GMDS: variants seen among roughly 807,000 people sequenced by gnomAD.
GMDS encodes GDP-mannose 4,6-dehydratase, also known as GDP-mannose 4,6 dehydratase.
Under a neutral mutation model 49.9 loss-of-function variants are expected in GMDS, and 20 were observed. The ratio of observed to expected loss-of-function variants is 0.40; its 90% CI spans 0.28 to 0.58. GMDS has a LOEUF of 0.58. GMDS is among the 20% of genes least tolerant of loss of function. The pLI is 0.42. For missense variants in GMDS, 362 were observed against 481.4 expected (o/e 0.75, Z 2.32); for synonymous variants, 177 against 178.6 (o/e 0.99, Z 0.07).
At chr6:1,704,680 G>GT (rs1179209713) in intron 9 of GMDS, among the ~76,000 whole-genome samples, 2 of 152,234 alleles carry the variant, frequency 1.3e-5, no homozygotes, top group African/African-American at 2.4e-5. Context: ...TACGTACGCG[G>GT]TAAGTGCTCA....
chr6:2,143,569 C>A (rs1213075637), intron 1 of GMDS, among the ~76,000 whole-genome samples: 1 of 152,110 alleles, frequency 6.6e-6, no homozygotes, highest in Non-Finnish European at 1.5e-5. Context: ...CAAATCTATG[C>A]AAGGGATTAC....
intron 1 of GMDS, among the ~76,000 whole-genome samples, chr6:2,142,225 C>T (rs1001384288): frequency 1.3e-5 from 2 of 152,092 alleles, no homozygotes; most frequent in Admixed American, 6.5e-5. Context: ...ACAATAACAA[C>T]AATACCTGGC....
chr6:2,065,153 G>T (rs537736219), intron 4 of GMDS, among the ~76,000 whole-genome samples: 1 of 152,144 alleles, frequency 6.6e-6, no homozygotes, highest in Non-Finnish European at 1.5e-5. Context: ...GCACCCCCCA[G>T]CAGGGGCAGA....
At chr6:1,804,724 T>C (rs1348126548) in intron 7 of GMDS, among the ~76,000 whole-genome samples, 1 of 149,484 alleles carries the variant, frequency 6.7e-6, no homozygotes, top group Non-Finnish European at 1.5e-5. Flanking sequence ...TATCAATAGG[T>C]TTTTTTTTTA....
chr6:2,117,024 T>C (rs1474986293), intron 3 of GMDS, among the ~76,000 whole-genome samples: 1 of 152,256 alleles, frequency 6.6e-6, no homozygotes, highest in African/African-American at 2.4e-5. Flanking sequence ...ATCAGTCATT[T>C]AGAACAGTTT....
intron 6 of GMDS, among the ~76,000 whole-genome samples, chr6:1,933,737 G>C (rs568321238): frequency 1.3e-3 from 195 of 152,238 alleles, no homozygotes; most frequent in Non-Finnish European, 2.3e-3. Context: ...TTATTATAGA[G>C]TTGTAAGAAT....
At chr6:2,242,488 C>T (rs550819247) in intron 1 of GMDS, among the ~76,000 whole-genome samples, 36 of 152,248 alleles carry the variant, frequency 2.4e-4, no homozygotes, top group Non-Finnish European at 5.0e-4. Context: ...AGACAGGACA[C>T]CCTGGCTGTC....
At chr6:1,666,351 A>T (rs927653940) in intron 9 of GMDS, among the ~76,000 whole-genome samples, 1 of 151,964 alleles carries the variant, frequency 6.6e-6, no homozygotes, top group Admixed American at 6.6e-5. Flanking sequence ...GGTCCTGATG[A>T]TGCACCAAGA....
At chr6:1,990,836 G>A (rs1250082411) in intron 4 of GMDS, among the ~76,000 whole-genome samples, 1 of 150,482 alleles carries the variant, frequency 6.6e-6, no homozygotes, top group African/African-American at 2.5e-5. Context: ...CTTCCATCTT[G>A]GCCTCCCAAA....
intron 7 of GMDS, among the ~76,000 whole-genome samples, chr6:1,872,018 A>T (rs1249178110): frequency 6.6e-6 from 1 of 152,202 alleles, no homozygotes; most frequent in African/African-American, 2.4e-5. Context: ...TCTGGCTAGC[A>T]AAGCATCCTC....
chr6:1,624,372 CT>C, intron 10 of GMDS, 99 bp downstream of exon 10: 1 of 1,315,976 alleles, frequency 7.6e-7, no homozygotes, highest in Non-Finnish European at 1.1e-6. Flanking sequence ...GCCTTCCGGG[CT>C]TTGGGCATCG....
intron 7 of GMDS, among the ~76,000 whole-genome samples, chr6:1,772,220 T>G (rs559790268): frequency 2.6e-5 from 4 of 152,234 alleles, no homozygotes; most frequent in Non-Finnish European, 4.4e-5. Flanking sequence ...ATCCAATGCA[T>G]GAGCTCTCTC....
intron 7 of GMDS, among the ~76,000 whole-genome samples, chr6:1,824,904 A>G (rs1771043838): frequency 6.6e-6 from 1 of 152,086 alleles, no homozygotes; most frequent in Non-Finnish European, 1.5e-5. Flanking sequence ...CTGCCTCCCA[A>G]ATATGATTTT....
In GMDS at chr6:1,833,126, CTTTTTTTTTT is replaced by C. The variant is rs34633662; in HGVS notation, c.772-90550_772-90541del. Among the ~76,000 whole-genome samples, 3 of 123,394 alleles carry C rather than the reference CTTTTTTTTTT, an allele frequency of 2.4e-5. No individual in the cohort carries two copies. The highest frequency in any genetic ancestry group is 3.4e-5 in the Non-Finnish European group (2 of 59,582). The allele number at this position is 123,394 out of a possible 152,430, so 81.0% of individuals were successfully genotyped here. ...ACCCGGCAGTGGAGCGTATGAAAGC[CTTTTTTTTTT>C]TTTTTTTTTTTTTAAACTAATGCAC... On this transcript the variant is annotated intron_variant, in intron 7 of 10. Coordinates refer to ENST00000380815, the MANE Select transcript of GMDS (RefSeq NM_001500.4). The surrounding 1 kb of genome is among the most constrained non-coding windows in gnomAD (Gnocchi z 4.4).
intron 7 of GMDS, among the ~76,000 whole-genome samples, chr6:1,829,543 A>T (rs542086922): frequency 1.3e-5 from 2 of 152,260 alleles, no homozygotes; most frequent in East Asian, 3.9e-4. Flanking sequence ...CACTCAGGTG[A>T]TGCTCCTGCC....
At chr6:1,769,174 C>T (rs191773572) in intron 7 of GMDS, among the ~76,000 whole-genome samples, 1 of 152,318 alleles carries the variant, frequency 6.6e-6, no homozygotes, top group East Asian at 1.9e-4. Context: ...GACTTTCACT[C>T]AAGCTTCACG....
chr6:2,149,041 C>T (rs1776715370), intron 1 of GMDS, among the ~76,000 whole-genome samples: 2 of 152,128 alleles, frequency 1.3e-5, no homozygotes, highest in African/African-American at 2.4e-5. Flanking sequence ...CCTAATATAA[C>T]TGCTTCACCA....
chr6:2,173,160 A>G (rs1247694558), intron 1 of GMDS, among the ~76,000 whole-genome samples: 2 of 152,258 alleles, frequency 1.3e-5, no homozygotes, highest in Non-Finnish European at 2.9e-5. Flanking sequence ...ACTACTGCTT[A>G]TCAACACTTA....
At chr6:1,835,114 G>A (rs72841945) in intron 7 of GMDS, among the ~76,000 whole-genome samples, 2,801 of 152,216 alleles carry the variant, frequency 0.018, 32 homozygotes, top group Non-Finnish European at 0.028. Flanking sequence ...GTGCTAACAC[G>A]GGGCAAATAA....
Sources: allele counts gnomAD v4.1 joint callset (sites outside exome capture counted in the v4.1 genomes callset), GRCh38; gene constraint gnomAD v4.1.1; non-coding constraint Gnocchi (gnomAD v3.1); transcripts MANE v1.5; gene names NCBI Gene and HGNC (gene_info 2026-07-23, HGNC 2026-07-21).